GPC5: variants seen among roughly 807,000 people sequenced by gnomAD.
GPC5 encodes the protein glypican 5.
A neutral mutation model predicts 53.9 loss-of-function variants in GPC5; 47 were observed. The ratio of observed to expected loss-of-function variants is 0.87; its 90% CI spans 0.69 to 1.11. The LOEUF (loss-of-function observed/expected upper bound fraction) is 1.11, where lower values mean the gene tolerates loss of function less well. Among genes scored for constraint, GPC5 ranks in the 50% most tolerant of loss-of-function variants. The pLI, the probability that GPC5 is intolerant of heterozygous loss-of-function variation, is 0.00. For synonymous variants in GPC5, 286 were observed against 263.3 expected (o/e 1.09, Z -0.84); for missense variants, 748 against 713.1 (o/e 1.05, Z -0.56).
chr13:92,251,138 T>C (rs1000741161), intron 7 of GPC5, among the ~76,000 whole-genome samples: 13 of 152,074 alleles, frequency 8.5e-5, no homozygotes, highest in African/African-American at 3.1e-4. Context: ...AAAACCTTGA[T>C]ATATAGGGAA....
At chr13:92,753,378 G>A (rs1874681909) in intron 7 of GPC5, among the ~76,000 whole-genome samples, 1 of 152,228 alleles carries the variant, frequency 6.6e-6, no homozygotes, top group South Asian at 2.1e-4. Flanking sequence ...CAAAGATGGG[G>A]AAAAAACAGA....
intron 7 of GPC5, among the ~76,000 whole-genome samples, chr13:92,341,843 C>T (rs539511811): frequency 3.9e-5 from 6 of 152,032 alleles, no homozygotes; most frequent in East Asian, 3.9e-4. Flanking sequence ...TAGGCTGTTG[C>T]GTTTATCGAG....
At chr13:91,610,947 C>T (rs2033529465) in intron 2 of GPC5, among the ~76,000 whole-genome samples, 1 of 152,076 alleles carries the variant, frequency 6.6e-6, no homozygotes, top group South Asian at 2.1e-4. Flanking sequence ...GCATGGGGGT[C>T]CTAACACCAC....
At chr13:91,603,927 T>C (rs1356033908) in intron 2 of GPC5, among the ~76,000 whole-genome samples, 1 of 151,956 alleles carries the variant, frequency 6.6e-6, no homozygotes, top group Non-Finnish European at 1.5e-5. Flanking sequence ...AGTAGTATTT[T>C]TTTTTCCTGC....
intron 7 of GPC5, among the ~76,000 whole-genome samples, chr13:92,249,753 T>G (rs548219017): frequency 3.8e-4 from 58 of 152,118 alleles, no homozygotes; most frequent in Non-Finnish European, 6.9e-4. Context: ...GGAATCTATG[T>G]TGGTTGTTTA....
chr13:91,412,181 A>G (rs1250291273), intron 1 of GPC5, among the ~76,000 whole-genome samples: 1 of 152,216 alleles, frequency 6.6e-6, no homozygotes. Flanking sequence ...ATTCTGTTTC[A>G]CAAATGCCTT....
intron 2 of GPC5, among the ~76,000 whole-genome samples, chr13:91,473,547 T>C (rs1439296191): frequency 6.6e-6 from 1 of 152,182 alleles, no homozygotes; most frequent in Non-Finnish European, 1.5e-5. Flanking sequence ...GTAAAATTGT[T>C]GTACCAAATC....
intron 6 of GPC5, among the ~76,000 whole-genome samples, chr13:91,923,878 T>G (rs1232839711): frequency 6.6e-6 from 1 of 152,142 alleles, no homozygotes; most frequent in Non-Finnish European, 1.5e-5. Flanking sequence ...CGGCTTTTAA[T>G]TATGAAAATA....
At chr13:91,718,707 C>A (rs1358130068) in intron 3 of GPC5, among the ~76,000 whole-genome samples, 1 of 152,170 alleles carries the variant, frequency 6.6e-6, no homozygotes, top group Non-Finnish European at 1.5e-5. Context: ...CATCTGCATA[C>A]TCTTGCCCTC....
At chr13:91,805,736 A>T (rs2038209314) in intron 5 of GPC5, among the ~76,000 whole-genome samples, 2 of 152,184 alleles carry the variant, frequency 1.3e-5, no homozygotes. Context: ...GACATACTTA[A>T]AGATAATTCT....
intron 7 of GPC5, among the ~76,000 whole-genome samples, chr13:92,735,973 G>A (rs1204701693): frequency 6.6e-6 from 1 of 151,936 alleles, no homozygotes; most frequent in Non-Finnish European, 1.5e-5. Context: ...ACTGGAGAGT[G>A]CAATACTCAA....
intron 7 of GPC5, among the ~76,000 whole-genome samples, chr13:92,681,352 C>T (rs191848262): frequency 3.3e-5 from 5 of 151,576 alleles, no homozygotes; most frequent in African/African-American, 7.3e-5. Context: ...CCTCTGTTCT[C>T]GCCTCTGAGT....
chr13:92,014,378 T>A (rs2040688929), intron 6 of GPC5, among the ~76,000 whole-genome samples: 1 of 152,226 alleles, frequency 6.6e-6, no homozygotes, highest in Admixed American at 6.5e-5. Context: ...TCGTAATTCT[T>A]CAGCCTGCCC....
At chr13:91,625,947 A>G (rs1440398030) in intron 2 of GPC5, among the ~76,000 whole-genome samples, 1 of 152,090 alleles carries the variant, frequency 6.6e-6, no homozygotes, top group Non-Finnish European at 1.5e-5. Context: ...AATTTTAAGC[A>G]GATATTTAGT....
intron 7 of GPC5, among the ~76,000 whole-genome samples, chr13:92,555,052 T>G (rs1319736974): frequency 6.6e-6 from 1 of 151,438 alleles, no homozygotes; most frequent in Admixed American, 6.6e-5. Flanking sequence ...ATAAAAATCT[T>G]ATAAAATTAG....
chr13:92,119,650 G>A (rs944483469), intron 6 of GPC5, among the ~76,000 whole-genome samples: 5 of 134,260 alleles, frequency 3.7e-5, no homozygotes, highest in Non-Finnish European at 7.6e-5. Context: ...TCGATCTCCT[G>A]ACCTCGTGAT....
At position 92,017,670 on chromosome 13, in the gene GPC5, GC is replaced by G. The variant is rs1234049875; in HGVS notation, c.1401+109615del. 2.0e-5 allele frequency among the ~76,000 whole-genome samples: 3 copies of G among 152,198 alleles called. No individual in the cohort carries two copies. The South Asian group carries it at 6.2e-4, about 32-fold the overall frequency. ...GGATGGCATATAATCAGTGCACAGT[GC>G]CTTTTAGAAATCATAAGACCCATGT... On this transcript the variant is annotated intron_variant, in intron 6 of 7. Transcript: ENST00000377067.
intron 2 of GPC5, among the ~76,000 whole-genome samples, chr13:91,684,034 G>A (rs534083033): frequency 6.6e-6 from 1 of 152,108 alleles, no homozygotes; most frequent in East Asian, 1.9e-4. Context: ...CCTCATCTCA[G>A]TTGCCCTTTT....
chr13:91,683,808 A>T (rs186083076), intron 2 of GPC5, among the ~76,000 whole-genome samples: 15 of 152,244 alleles, frequency 9.9e-5, no homozygotes, highest in Admixed American at 8.5e-4. Context: ...ATATTCAGTA[A>T]ATTCTCCTTC....
Sources: allele counts gnomAD v4.1 joint callset (sites outside exome capture counted in the v4.1 genomes callset), GRCh38; gene constraint gnomAD v4.1.1; transcripts MANE v1.5; gene names NCBI Gene and HGNC (gene_info 2026-07-23, HGNC 2026-07-21).